CD40LG: variants seen among roughly 807,000 people sequenced by gnomAD.
The protein encoded by CD40LG is CD40 ligand.
CD40LG carries 1 observed loss-of-function variant against 17.2 expected under a neutral mutation model. The observed-to-expected ratio is 0.06, with a 90% CI of 0.02 to 0.28. The LOEUF is 0.28. CD40LG is among the 10% of genes least tolerant of loss of function. CD40LG has a pLI of 1.00. For missense variants in CD40LG, 133 were observed against 193.2 expected, an observed-to-expected ratio of 0.69 and a Z score of 1.85; for synonymous variants, 66 against 74.4, an observed-to-expected ratio of 0.89 and a Z score of 0.58.
intron 2 of CD40LG, among the ~76,000 whole-genome samples, chrX:136,652,030 G>GAA (rs2076105232): frequency 1.8e-5 from 2 of 111,349 alleles, no homozygotes; most frequent in African/African-American, 6.5e-5. Context: ...TAGGAGTAAA[G>GAA]AAAACAGTCA....
In CD40LG at chrX:136,659,803, G is replaced by A. The variant is rs929124288; in HGVS notation, c.*388G>A. ...ATAATGCATTTGATTTATCAGTGAA[G>A]ATGCAGAAGGGAAATGGGGAGCCTC... On this transcript the variant is annotated 3_prime_UTR_variant, in exon 5 of 5. Transcript: ENST00000370629. The A allele has an allele frequency of 4.5e-5, 7 of 154,468 alleles. No homozygotes were observed. Among genetic ancestry groups the A allele is most frequent in the African/African-American group, 1.9e-4 (6 of 31,403 alleles). The allele number at this position is 154,468 out of a possible 1,213,427, so 12.7% of individuals were successfully genotyped here.
At chrX:136,655,622 T>A (rs1296234177) in intron 3 of CD40LG, among the ~76,000 whole-genome samples, 1 of 112,309 alleles carries the variant, frequency 8.9e-6, no homozygotes, top group Non-Finnish European at 1.9e-5. Flanking sequence ...TAAATGGTCA[T>A]CCGACTTCCA....
In CD40LG at chrX:136,659,257, A is replaced by G. The variant is rs773961313; in HGVS notation, c.628A>G (p.Asn210Asp). The G allele has an allele frequency of 2.4e-5, 29 of 1,210,321 alleles. No individual in the cohort carries two copies. The highest frequency in any genetic ancestry group is 3.1e-5 in the Non-Finnish European group (28 of 895,157). ...CGAGAGAATCTTACTCAGAGCTGCA[A>G]ATACCCACAGTTCCGCCAAACCTTG... ...RFERILLRAA[N>D]THSSAKPCGQ... Residue 210 changes from asparagine (N) to aspartate (D), a missense_variant, in exon 5 of 5, where the codon AAT becomes GAT. Coordinates refer to ENST00000370629, the MANE Select transcript of CD40LG (RefSeq NM_000074.3).
At chrX:136,654,976 C>T (rs1294413827) in intron 3 of CD40LG, among the ~76,000 whole-genome samples, 3 of 111,493 alleles carry the variant, frequency 2.7e-5, no homozygotes, top group Non-Finnish European at 5.7e-5. Flanking sequence ...CACAATAACA[C>T]TGACCGTCCA....
At chrX:136,657,585 A>C (rs181944967) in intron 4 of CD40LG, among the ~76,000 whole-genome samples, 1 of 111,986 alleles carries the variant, frequency 8.9e-6, no homozygotes, top group East Asian at 2.8e-4. Context: ...AGGGTGACAT[A>C]AAGCCCCTCA....
rs1305393720 is a variant in CD40LG at position 136,659,032 on chromosome X, G to C, written c.410-7G>C. ...CTCACCACAAACTTTCCCTTTCTTT[G>C]TAACAGTGTTACAGTGGGCTGAAAA... On this transcript the variant is annotated splice_polypyrimidine_tract_variant and splice_region_variant and intron_variant, in intron 4 of 4. Transcript: ENST00000370629. 1 of 1,208,181 alleles carries C rather than the reference G, an allele frequency of 8.3e-7. No individual in the cohort carries two copies. Among genetic ancestry groups the C allele is most frequent in the East Asian group, 3.0e-5 (1 of 33,799 alleles).
At position 136,650,573 on chromosome X, in the gene CD40LG, T is replaced by TA. The variant is rs80103261; in HGVS notation, c.288+188dup. ...CATACATGGGTGTGTGTGTGGGGGT[T>TA]AAAAAAAAAAAACACAAAGACACTC... On this transcript the variant is annotated intron_variant, in intron 2 of 4. Coordinates refer to ENST00000370629, the MANE Select transcript of CD40LG (RefSeq NM_000074.3). Among the ~76,000 whole-genome samples the TA allele has an allele frequency of 0.081, 8,076 of 99,925 alleles. 782 individuals are homozygous for TA. Among genetic ancestry groups the TA allele is most frequent in the African/African-American group, 0.26 (7,161 of 27,501 alleles). The allele number at this position is 99,925 out of a possible 115,157, so 86.8% of individuals were successfully genotyped here.
At chrX:136,656,299 A>G in intron 3 of CD40LG, 57 bp from the exon 4 acceptor site, 1 of 873,823 alleles carries the variant, frequency 1.1e-6, no homozygotes, top group Admixed American at 2.2e-5. Context: ...TGGACCAGAT[A>G]GTTTTGTGGG....
intron 4 of CD40LG, among the ~76,000 whole-genome samples, chrX:136,658,581 C>T (rs1180107988): frequency 8.9e-6 from 1 of 111,771 alleles, no homozygotes; most frequent in Non-Finnish European, 1.9e-5. Flanking sequence ...TGACAACTCT[C>T]TGACTTTGTA....
intron 2 of CD40LG, among the ~76,000 whole-genome samples, chrX:136,651,140 A>G (rs961964131): frequency 1.3e-4 from 15 of 111,372 alleles, no homozygotes; most frequent in African/African-American, 4.9e-4. Flanking sequence ...GAACCTTTAC[A>G]TTAATTCCAT....
chrX:136,657,229 A>G lies in CD40LG; in HGVS notation c.409+811A>G, dbSNP rs773931748. Among the ~76,000 whole-genome samples, 8 of 111,803 alleles carry G rather than the reference A, an allele frequency of 7.2e-5. No individual in the cohort carries two copies. The East Asian group carries it at 1.4e-3, about 20-fold the overall frequency. ...GTATGTGTGTGACAGGGAGAGAAAG[A>G]GAGATGGACAGAGAGAGAAAAAAGA... On this transcript the variant is annotated intron_variant, in intron 4 of 4. Transcript: ENST00000370629.
rs1450785669 is a variant in CD40LG, at chrX:136,654,426, A to G, written c.342A>G (p.Gln114=). 1 of 1,187,297 alleles carries G rather than the reference A, an allele frequency of 8.4e-7. No homozygotes were observed. Among genetic ancestry groups the G allele is most frequent in the Admixed American group, 2.2e-5 (1 of 46,005 alleles). ...ETKKENSFEM[Q]KGDQNPQIAA... is the part of the protein sequence containing the mutation. ...AGAAAGAAAACAGCTTTGAAATGCA[A>G]AAAGGTAGGTTTGCTATTTGCTAAT... The change falls in exon 3 of 5, where the codon CAA becomes CAG. Residue 114 remains glutamine, a synonymous_variant. Coordinates refer to ENST00000370629, the MANE Select transcript of CD40LG (RefSeq NM_000074.3).
rs569862684 is a variant in CD40LG at position 136,648,767 on chromosome X, A to G, written c.156+363A>G. Among the ~76,000 whole-genome samples the G allele has an allele frequency of 4.4e-5, 5 of 112,475 alleles. No individual in the cohort carries two copies. The South Asian group carries it at 1.9e-3, about 42-fold the overall frequency. Reference sequence around the variant, plus strand: ...GTCTGATACATAGTAAGCACTATGTACGCACTAGCTATAATTATTTGCTAA... The same window carrying G: ...GTCTGATACATAGTAAGCACTATGTGCGCACTAGCTATAATTATTTGCTAA... On this transcript the variant is annotated intron_variant, in intron 1 of 4. Coordinates refer to ENST00000370629, the MANE Select transcript of CD40LG (RefSeq NM_000074.3).
intron 2 of CD40LG, among the ~76,000 whole-genome samples, chrX:136,651,477 A>G (rs1165400046): frequency 8.9e-6 from 1 of 112,117 alleles, no homozygotes; most frequent in Non-Finnish European, 1.9e-5. Context: ...TGAAGACTCT[A>G]ACAGCTTATT....
intron 2 of CD40LG, among the ~76,000 whole-genome samples, chrX:136,652,280 A>C (rs3092939): frequency 0.021 from 2,358 of 110,892 alleles, 69 homozygotes; most frequent in African/African-American, 0.073. Context: ...ATCCTCCCCC[A>C]ATGACGGATC....
Position 136,659,119 on chromosome X carries a change from A to G in CD40LG, c.490A>G (p.Lys164Glu). ...TLENGKQLTVKRQGLYYIYAQ... is the reference protein window; with the variant it reads ...TLENGKQLTVERQGLYYIYAQ... ...GGAAAATGGGAAACAGCTGACCGTT[A>G]AAAGACAAGGACTCTATTATATCTA... The change falls in exon 5 of 5, where the codon AAA becomes GAA. Residue 164 changes from lysine to glutamate, a missense_variant. Lys to Glu is a moderately conservative substitution (Grantham distance 56). Coordinates refer to ENST00000370629, the MANE Select transcript of CD40LG (RefSeq NM_000074.3). 1 of 1,210,114 alleles carries G rather than the reference A, an allele frequency of 8.3e-7. No homozygotes were observed. Among genetic ancestry groups the G allele is most frequent in the East Asian group, 3.0e-5 (1 of 33,845 alleles).
At chrX:136,649,303 G>A in intron 1 of CD40LG, among the ~76,000 whole-genome samples, 1 of 112,406 alleles carries the variant, frequency 8.9e-6, no homozygotes, top group South Asian at 3.6e-4. Context: ...ATACTTGAGT[G>A]TCCTCTCTTA....
intron 4 of CD40LG, among the ~76,000 whole-genome samples, chrX:136,657,035 G>A (rs746091229): frequency 9.8e-5 from 11 of 112,076 alleles, no homozygotes; most frequent in Admixed American, 4.7e-4. Flanking sequence ...TGCATCTTGC[G>A]ATAACTGGTG....
intron 1 of CD40LG, 110 bp from the exon 2 acceptor site, chrX:136,650,156 C>A (rs1207388335): frequency 1.8e-6 from 1 of 547,885 alleles, no homozygotes; most frequent in Non-Finnish European, 3.1e-6. Flanking sequence ...CCATTTATGC[C>A]TGAAAGTCCT....
Sources: allele counts gnomAD v4.1 joint callset (sites outside exome capture counted in the v4.1 genomes callset), GRCh38; gene constraint gnomAD v4.1.1; transcripts MANE v1.5; gene names NCBI Gene and HGNC (gene_info 2026-07-23, HGNC 2026-07-21).